The following GPLD1 variants were observed in gnomAD, a reference collection of about 807,000 sequenced individuals.
GPLD1 encodes phosphatidylinositol-glycan-specific phospholipase D.
A neutral mutation model predicts 112.6 loss-of-function variants in GPLD1; 84 were observed. That is an observed-to-expected ratio of 0.75 (90% confidence interval 0.63 to 0.89). The LOEUF is 0.89. Ranked by LOEUF, GPLD1 falls within the 40% of genes least tolerant of loss-of-function variation. The probability of loss-of-function intolerance (pLI) is 0.00; values close to 1 mark genes in which losing one functional copy is unlikely to be tolerated. For synonymous variants in GPLD1, 386 were observed against 403.8 expected, an observed-to-expected ratio of 0.96 and a Z score of 0.53; for missense variants, 1,044 against 1,051.5, an observed-to-expected ratio of 0.99 and a Z score of 0.10.
At chr6:24,475,017 T>C (rs1763960182) in intron 5 of GPLD1, 104 bp downstream of exon 5, 3 of 674,140 alleles carry the variant, frequency 4.5e-6, no homozygotes, top group Non-Finnish European at 8.2e-6. Flanking sequence ...GGCAGAAGTC[T>C]GAATAACCTA....
At chr6:24,470,380 T>C (rs56955985) in intron 7 of GPLD1, among the ~76,000 whole-genome samples, 10,787 of 152,200 alleles carry the variant, frequency 0.071, 1,095 homozygotes, top group African/African-American at 0.23. Flanking sequence ...CCTTTTGAAA[T>C]TGAATGTACC....
At chr6:24,460,802 C>T (rs939592766) in intron 11 of GPLD1, among the ~76,000 whole-genome samples, 7 of 149,956 alleles carry the variant, frequency 4.7e-5, no homozygotes, top group Non-Finnish European at 8.9e-5. Context: ...TGCAGTGGCA[C>T]GATCTCGGCT....
chr6:24,474,926 A>C (rs1763956661), intron 5 of GPLD1, among the ~76,000 whole-genome samples, 195 bp downstream of exon 5: 1 of 150,892 alleles, frequency 6.6e-6, no homozygotes, highest in Admixed American at 6.6e-5. Context: ...CCAGCCTGGC[A>C]ACAGAGTGAG....
In GPLD1 at chr6:24,464,417, T is replaced by C. The variant is rs532063293; in HGVS notation, c.822-1622A>G. On this transcript the variant is annotated intron_variant, in intron 10 of 24. Transcript: ENST00000230036. The stretch of plus-strand genomic sequence containing the variant: ...CCACGGGAGAGCTTGGGGATTTTAG[T>C]TGAGGTTTATTTCACTATTAAAAGT... 8.5e-4 allele frequency among the ~76,000 whole-genome samples: 130 copies of C among 152,210 alleles called. 1 individual carries two copies. The highest frequency in any genetic ancestry group is 1.6e-3 in the Admixed American group (25 of 15,290).
intron 22 of GPLD1, among the ~76,000 whole-genome samples, chr6:24,435,291 G>A (rs994651350): frequency 4.1e-4 from 63 of 152,058 alleles, no homozygotes; most frequent in Non-Finnish European, 2.2e-4. Context: ...GATTACAGGC[G>A]TGAGCCACTG....
intron 24 of GPLD1, among the ~76,000 whole-genome samples, chr6:24,432,068 T>C (rs1762420816): frequency 6.6e-6 from 1 of 151,522 alleles, no homozygotes; most frequent in African/African-American, 2.4e-5. Flanking sequence ...GGCAACATGG[T>C]GAAACTCTTG....
Position 24,466,861 on chromosome 6 carries a change from A to G in GPLD1, c.682-42T>C, listed in dbSNP as rs759559690. 2.5e-6 allele frequency: 4 copies of G among 1,594,812 alleles called. No homozygotes were observed. In the South Asian group the frequency reaches 3.3e-5, roughly 13 times the overall value. ...GAAAAAATAAAATGAATATGGTACT[A>G]TTCCTGGTATCTTTATAATCCTTTA... On this transcript the variant is annotated intron_variant, in intron 9 of 24. Coordinates refer to ENST00000230036, the MANE Select transcript of GPLD1 (RefSeq NM_001503.4).
chr6:24,491,432 C>T (rs996767562), upstream of GPLD1, among the ~76,000 whole-genome samples: 2 of 152,198 alleles, frequency 1.3e-5, no homozygotes, highest in Non-Finnish European at 2.9e-5. Flanking sequence ...GGTGTGGTGG[C>T]TCACGCCTAT....
At chr6:24,447,089 G>GT (rs971884055) in intron 17 of GPLD1, 110 bp from the exon 18 acceptor site, 3 of 946,220 alleles carry the variant, frequency 3.2e-6, no homozygotes, top group Non-Finnish European at 4.8e-6. Flanking sequence ...ATTTTGCTGA[G>GT]TTTTTGCCAG....
rs369158224 is a variant in GPLD1 at position 24,453,536 on chromosome 6, T to C, written c.1335+479A>G. 1.1e-3 allele frequency among the ~76,000 whole-genome samples: 162 copies of C among 152,288 alleles called. 1 individual carries two copies. Among genetic ancestry groups the C allele is most frequent in the African/African-American group, 3.8e-3 (157 of 41,562 alleles). On this transcript the variant is annotated intron_variant, in intron 14 of 24. Transcript: ENST00000230036. ...CTGTAGTACCAGCTACTCAGGAGGCTGAGGCAGGAGAATTGCTTGAACCCG... is the reference window on the plus strand; with the variant it reads ...CTGTAGTACCAGCTACTCAGGAGGCCGAGGCAGGAGAATTGCTTGAACCCG...
chr6:24,427,845 CAA>C lies in GPLD1; in HGVS notation c.*1185_*1186del, dbSNP rs72112585. Reference sequence around the variant, plus strand: ...TGGGCAACAGAGCAAGACTCCGTCTCAAAAAAAAAAAAAAAAAAAAAGGACTA... The same window carrying C: ...TGGGCAACAGAGCAAGACTCCGTCTCAAAAAAAAAAAAAAAAAAAGGACTA... On this transcript the variant is annotated 3_prime_UTR_variant, in exon 25 of 25. Transcript: ENST00000230036. Among the ~76,000 whole-genome samples the C allele has an allele frequency of 6.7e-4, 59 of 87,588 alleles. No individual in the cohort carries two copies. Among genetic ancestry groups the C allele is most frequent in the African/African-American group, 2.5e-3 (47 of 18,652 alleles). 57.5% of individuals were successfully genotyped at this position (87,588 alleles called of 152,430 possible).
At chr6:24,494,834 GGAGA>G in intron 1 of GPLD1, 1 of 793,102 alleles carries the variant, frequency 1.3e-6, no homozygotes, top group Non-Finnish European at 1.7e-6. Context: ...AGAAAGACGC[GGAGA>G]GAGGGCGCTG....
At position 24,445,558 on chromosome 6, in the gene GPLD1, C is replaced by T. The variant is rs747767032; in HGVS notation, c.2008G>A (p.Ala670Thr). Residue 670 changes from alanine (A) to threonine (T), a missense_variant, in exon 20 of 25, where the codon GCC (alanine) becomes ACC (threonine). Ala to Thr is a moderately conservative substitution (Grantham distance 58). Coordinates refer to ENST00000230036, the MANE Select transcript of GPLD1 (RefSeq NM_001503.4). Reference protein sequence around the residue: ...GTLKQVLLVGAPTYDDVSKVA... With the variant: ...GTLKQVLLVGTPTYDDVSKVA... ...GTGTGTGACCTACCGTACGTAGGGG[C>T]TCCAACCAGCAGCACTTGTTTCAGA... 6.2e-7 allele frequency: 1 copy of T among 1,612,632 alleles called. No homozygotes were observed. The highest frequency in any genetic ancestry group is 2.2e-5 in the East Asian group (1 of 44,886).
chr6:24,480,060 G>A (rs1473475711), intron 2 of GPLD1, 101 bp from the exon 3 acceptor site: 3 of 717,208 alleles, frequency 4.2e-6, no homozygotes, highest in Non-Finnish European at 7.5e-6. Context: ...AAATATGGGG[G>A]TATAGATGGA....
Position 24,426,107 on chromosome 6 carries a change from A to C in GPLD1, c.*2925T>G, listed in dbSNP as rs1304928615. ...TTGAAGCCTTGAGAAAAGCTGTTACATATACGCAGATAGTAGCAAGACAGA... is the reference window on the plus strand; with the variant it reads ...TTGAAGCCTTGAGAAAAGCTGTTACCTATACGCAGATAGTAGCAAGACAGA... On this transcript the variant is annotated 3_prime_UTR_variant, in exon 25 of 25. Coordinates refer to ENST00000230036, the MANE Select transcript of GPLD1 (RefSeq NM_001503.4). The C allele has an allele frequency of 6.6e-6, 1 of 152,226 alleles. No homozygotes were observed. The highest frequency in any genetic ancestry group is 1.5e-5 in the Non-Finnish European group (1 of 68,038). 9.4% of individuals were successfully genotyped at this position (152,226 alleles called of 1,614,324 possible). A position where few individuals can be genotyped will look rare whatever the true frequency, so the allele number is the denominator to read the frequency against.
intron 12 of GPLD1, 107 bp from the exon 13 acceptor site, chr6:24,456,744 G>A: frequency 1.4e-6 from 1 of 692,008 alleles, no homozygotes; most frequent in Non-Finnish European, 2.4e-6. Context: ...TGAGTTTTTA[G>A]AAGTGCTAAA....
chr6:24,467,251 A>G lies in GPLD1; in HGVS notation c.569T>C (p.Leu190Pro), dbSNP rs1561848228. 1 of 1,599,726 alleles carries G rather than the reference A, an allele frequency of 6.3e-7. No homozygotes were observed. The highest frequency in any genetic ancestry group is 8.6e-7 in the Non-Finnish European group (1 of 1,166,890). ...RRWYVPVKDL[L>P]GIYEKLYGRK... is the part of the protein sequence containing the mutation. ...ACCATACAGTTTCTCATAAATTCCC[A>G]GTAGATCTTTGACTGGCACATACCT... Residue 190 changes from leucine (L) to proline (P), a missense_variant, in exon 8 of 25, where the codon CTG becomes CCG. Coordinates refer to ENST00000230036, the MANE Select transcript of GPLD1 (RefSeq NM_001503.4).
intron 14 of GPLD1, among the ~76,000 whole-genome samples, chr6:24,453,058 A>G (rs1763143588): frequency 1.3e-5 from 2 of 152,218 alleles, no homozygotes; most frequent in South Asian, 4.2e-4. Context: ...CTCTGATGTT[A>G]GAAAAACTTT....
chr6:24,476,480 C>T (rs1043193144), intron 3 of GPLD1, among the ~76,000 whole-genome samples: 1 of 152,124 alleles, frequency 6.6e-6, no homozygotes. Context: ...TACTGTCTGC[C>T]TGATGACTAA....
Sources: gnomAD v4.1 joint callset for allele counts (sites outside exome capture counted in the v4.1 genomes callset) on GRCh38, gnomAD v4.1.1 for gene constraint, MANE v1.5 for transcripts, NCBI Gene and HGNC (gene_info 2026-07-23, HGNC 2026-07-21) for gene names.